The following DCTN4 variants were observed in gnomAD, a reference collection of about 807,000 sequenced individuals.
The protein encoded by DCTN4 is dynactin subunit 4.
A neutral mutation model predicts 62.7 loss-of-function variants in DCTN4; 23 were observed. That is an observed-to-expected ratio of 0.37 (90% CI 0.26 to 0.52). The LOEUF (loss-of-function observed/expected upper bound fraction) is 0.52, where lower values mean the gene tolerates loss of function less well. DCTN4 is among the 20% of genes least tolerant of loss of function. The pLI, the probability that DCTN4 is intolerant of heterozygous loss-of-function variation, is 0.92. For synonymous variants in DCTN4, 199 were observed against 202.1 expected (o/e 0.98, Z 0.13); for missense variants, 514 against 580.4 (o/e 0.89, Z 1.18).
At chr5:150,713,610 AT>A (rs1312896504) in intron 12 of DCTN4, among the ~76,000 whole-genome samples, 1 of 149,856 alleles carries the variant, frequency 6.7e-6, no homozygotes, top group Non-Finnish European at 1.5e-5. Context: ...CGCCTGGCTA[AT>A]TTTTGTATTT....
intron 3 of DCTN4, among the ~76,000 whole-genome samples, chr5:150,746,674 C>A (rs1298602505): frequency 2.6e-5 from 4 of 152,098 alleles, no homozygotes; most frequent in Admixed American, 2.0e-4. Context: ...ATAAACAGAG[C>A]CAAAGACAAA....
intron 12 of DCTN4, among the ~76,000 whole-genome samples, chr5:150,713,113 G>C (rs1469773507): frequency 6.6e-6 from 1 of 152,148 alleles, no homozygotes; most frequent in Non-Finnish European, 1.5e-5. Flanking sequence ...AGCACATTTT[G>C]TATTACAGTA....
intron 10 of DCTN4, among the ~76,000 whole-genome samples, 169 bp from the exon 11 acceptor site, chr5:150,718,552 A>G (rs1057353994): frequency 9.2e-5 from 14 of 152,138 alleles, no homozygotes; most frequent in Non-Finnish European, 1.3e-4. Context: ...TCTATTATCT[A>G]TATGTTAGAC....
chr5:150,756,039 C>CTT (rs777641858), intron 2 of DCTN4, among the ~76,000 whole-genome samples: 29 of 124,968 alleles, frequency 2.3e-4, no homozygotes, highest in African/African-American at 3.0e-4. Context: ...TTTCATGTGT[C>CTT]TTTTTTTTTT....
intron 4 of DCTN4, among the ~76,000 whole-genome samples, chr5:150,736,926 T>C (rs1760602987): frequency 6.6e-6 from 1 of 152,206 alleles, no homozygotes; most frequent in Non-Finnish European, 1.5e-5. Flanking sequence ...AAAAAAGATA[T>C]TCCATGCAAA....
In DCTN4 at chr5:150,730,663, G is replaced by C; in HGVS notation, c.802C>G (p.His268Asp). The C allele has an allele frequency of 6.2e-7, 1 of 1,614,086 alleles. No homozygotes were observed. Among genetic ancestry groups the C allele is most frequent in the South Asian group, 1.1e-5 (1 of 91,078 alleles). ...CGCAGGGACCGTTTGATCAGAAGAT[G>C]TTTGTGGCGAGGATAGAGCTGTGAA... is the stretch of plus-strand genomic sequence containing the variant. ...CASQLYPRHK[H>D]LLIKRSLRCR... Residue 268 changes from histidine to aspartate, a missense_variant, in exon 8 of 13, where the codon CAT (histidine) becomes GAT (aspartate). Transcript: ENST00000447998.
intron 4 of DCTN4, among the ~76,000 whole-genome samples, chr5:150,736,634 G>T (rs1760591763): frequency 6.6e-6 from 1 of 151,872 alleles, no homozygotes; most frequent in Non-Finnish European, 1.5e-5. Flanking sequence ...ACAAAACCTT[G>T]AAACACACCA....
intron 4 of DCTN4, among the ~76,000 whole-genome samples, chr5:150,739,531 T>C (rs1292423794): frequency 6.6e-6 from 1 of 152,154 alleles, no homozygotes; most frequent in African/African-American, 2.4e-5. Flanking sequence ...TTCAATGCAA[T>C]TCCCACCAAA....
At chr5:150,727,416 A>C (rs1350447087) in intron 8 of DCTN4, among the ~76,000 whole-genome samples, 1 of 152,192 alleles carries the variant, frequency 6.6e-6, no homozygotes, top group African/African-American at 2.4e-5. Flanking sequence ...ATACTATTTT[A>C]AAATTATTTT....
At chr5:150,725,002 A>C (rs1195926735) in intron 8 of DCTN4, among the ~76,000 whole-genome samples, 1 of 151,906 alleles carries the variant, frequency 6.6e-6, no homozygotes, top group Non-Finnish European at 1.5e-5. Context: ...CTAAAAGTAC[A>C]AAAAAATTAG....
At chr5:150,713,658 G>C (rs1276975804) in intron 12 of DCTN4, among the ~76,000 whole-genome samples, 1 of 150,544 alleles carries the variant, frequency 6.6e-6, no homozygotes, top group East Asian at 2.0e-4. Context: ...TGGCCAGGCT[G>C]GTCTCAAACT....
chr5:150,752,573 T>C (rs1449912497), intron 3 of DCTN4, among the ~76,000 whole-genome samples: 1 of 152,224 alleles, frequency 6.6e-6, no homozygotes, highest in Non-Finnish European at 1.5e-5. Flanking sequence ...ATGAGAGAAC[T>C]ATTCTCCTAT....
chr5:150,715,125 G>T (rs1659693083), intron 12 of DCTN4, among the ~76,000 whole-genome samples: 2 of 139,518 alleles, frequency 1.4e-5, no homozygotes, highest in African/African-American at 5.2e-5. Context: ...TCAGTTATTA[G>T]ATATGAGAGA....
At chr5:150,734,024 C>T (rs140120093) in intron 4 of DCTN4, 1 of 151,894 alleles carries the variant, frequency 6.6e-6, no homozygotes, top group African/African-American at 2.4e-5. Context: ...GACCTTGTCT[C>T]TATAAAAAAA....
At chr5:150,732,483 C>T (rs771800440) in intron 5 of DCTN4, among the ~76,000 whole-genome samples, 1 of 152,162 alleles carries the variant, frequency 6.6e-6, no homozygotes, top group East Asian at 1.9e-4. Flanking sequence ...ACTTTACCAA[C>T]CCTTAGGGTT....
intron 3 of DCTN4, among the ~76,000 whole-genome samples, chr5:150,751,542 TA>T (rs1752676356): frequency 6.6e-6 from 1 of 152,130 alleles, no homozygotes; most frequent in Admixed American, 6.5e-5. Context: ...AGGCCTACAT[TA>T]TGCCACTTTG....
chr5:150,756,659 T>C (rs1204686457), intron 1 of DCTN4, among the ~76,000 whole-genome samples, 172 bp from the exon 2 acceptor site: 1 of 151,436 alleles, frequency 6.6e-6, no homozygotes, highest in Non-Finnish European at 1.5e-5. Flanking sequence ...TTTCTTCTTC[T>C]TCCGGATTTA....
intron 4 of DCTN4, among the ~76,000 whole-genome samples, chr5:150,739,720 T>C (rs1435417361): frequency 6.6e-6 from 1 of 152,116 alleles, no homozygotes; most frequent in Non-Finnish European, 1.5e-5. Flanking sequence ...AATACTGGTA[T>C]AAAAATAGGC....
chr5:150,733,353 G>A lies in DCTN4; in HGVS notation c.537+15C>T, dbSNP rs1450876598. On this transcript the variant is annotated intron_variant, in intron 5 of 12. Coordinates refer to ENST00000447998, the MANE Select transcript of DCTN4 (RefSeq NM_016221.4). ...CTTAGAGGTCTTGCAAATCATTTTA[G>A]TACCAAATTCTCACCGAAAAAGCCA... 2 of 1,595,392 alleles carry A rather than the reference G, an allele frequency of 1.3e-6. No homozygotes were observed. The highest frequency in any genetic ancestry group is 1.7e-6 in the Non-Finnish European group (2 of 1,166,240).
Sources: gnomAD v4.1 joint callset for allele counts (sites outside exome capture counted in the v4.1 genomes callset) on GRCh38, gnomAD v4.1.1 for gene constraint, MANE v1.5 for transcripts, NCBI Gene and HGNC (gene_info 2026-07-23, HGNC 2026-07-21) for gene names.